The following CMSS1 variants were observed in gnomAD, a reference collection of about 807,000 sequenced individuals.
CMSS1 encodes cms1 ribosomal small subunit homolog, also known as protein CMSS1.
A neutral mutation model predicts 43.5 loss-of-function variants in CMSS1; 33 were observed. The ratio of observed to expected loss-of-function variants is 0.76; its 90% CI spans 0.57 to 1.01. The LOEUF (loss-of-function observed/expected upper bound fraction) is 1.01. Ranked by LOEUF, CMSS1 falls within the 50% of genes least tolerant of loss-of-function variation. The probability of loss-of-function intolerance (pLI) is 0.00; values close to 1 mark genes in which losing one functional copy is unlikely to be tolerated. For missense variants in CMSS1, 313 were observed against 326.4 expected (o/e 0.96, Z 0.32); for synonymous variants, 115 against 117.2 (o/e 0.98, Z 0.12).
intron 1 of CMSS1, among the ~76,000 whole-genome samples, chr3:100,081,254 A>G (rs2065927653): frequency 6.6e-6 from 1 of 152,206 alleles, no homozygotes; most frequent in Non-Finnish European, 1.5e-5. Context: ...ATCATCTTTT[A>G]TCTCTTTTTT....
At chr3:99,993,310 T>C (rs1355656000) in intron 1 of CMSS1, among the ~76,000 whole-genome samples, 1 of 152,158 alleles carries the variant, frequency 6.6e-6, no homozygotes, top group Non-Finnish European at 1.5e-5. Context: ...TTATGTCATC[T>C]ACAACTTCTT....
intron 1 of CMSS1, among the ~76,000 whole-genome samples, chr3:100,021,085 GCCAGTGTGCTGTA>G (rs1207269237): frequency 9.9e-5 from 15 of 152,256 alleles, no homozygotes; most frequent in African/African-American, 3.6e-4. Context: ...TTTTCTTAGT[GCCAGTGTGCTGTA>G]CTTTTCAAGG....
At chr3:100,078,164 A>G (rs1205122963) in intron 1 of CMSS1, among the ~76,000 whole-genome samples, 1 of 152,154 alleles carries the variant, frequency 6.6e-6, no homozygotes, top group Non-Finnish European at 1.5e-5. Flanking sequence ...GTGCTAATAT[A>G]TTTGCTCCCA....
At chr3:100,014,895 C>CTTTTTTTTTTTTTTTTTTTTTTTTTTT (rs1233573719) in intron 1 of CMSS1, among the ~76,000 whole-genome samples, 15 of 25,008 alleles carry the variant, frequency 6.0e-4, no homozygotes, top group African/African-American at 7.0e-4. Flanking sequence ...TTCTTTCTTT[C>CTTTTTTTTTTTTTTTTTTTTTTTTTTT]TTTTTTTTTT....
chr3:99,993,060 G>A (rs7634628), intron 1 of CMSS1, among the ~76,000 whole-genome samples: 120,898 of 151,836 alleles, frequency 0.8, 48,349 homozygotes, highest in East Asian at 0.88. Flanking sequence ...TATTTTGGTT[G>A]CTATAGTCTT....
chr3:99,961,222 G>A (rs562906502), intron 1 of CMSS1, among the ~76,000 whole-genome samples: 36 of 152,322 alleles, frequency 2.4e-4, no homozygotes, highest in Non-Finnish European at 4.9e-4. Flanking sequence ...TGCCCGAGGG[G>A]ATCCGGACTT....
intron 1 of CMSS1, among the ~76,000 whole-genome samples, chr3:99,908,700 A>T (rs1272149489): frequency 1.3e-5 from 2 of 152,234 alleles, no homozygotes; most frequent in African/African-American, 4.8e-5. Context: ...GGTTGTTAGG[A>T]GGATTAAATG....
chr3:100,160,188 T>A (rs986769248), intron 2 of CMSS1, among the ~76,000 whole-genome samples: 2 of 152,202 alleles, frequency 1.3e-5, no homozygotes, highest in African/African-American at 4.8e-5. Flanking sequence ...CACTCACAAT[T>A]TGATCTTGCT....
In CMSS1 at chr3:99,845,374, G is replaced by A. The variant is rs78265257; in HGVS notation, c.64+27331G>A. On this transcript the variant is annotated intron_variant, in intron 1 of 9. Transcript: ENST00000421999. ...GGGAATGTGAGTAAAATGAAACTTC[G>A]TTCTGAAGCGAGGACTTAGACCAAT... is the stretch of plus-strand genomic sequence containing the variant. Among the ~76,000 whole-genome samples, 472 of 152,260 alleles carry A rather than the reference G, an allele frequency of 3.1e-3. 9 individuals are homozygous for A. In the East Asian group the frequency reaches 0.055, roughly 18 times the overall value.
At chr3:99,841,451 G>A (rs1943128088) in intron 1 of CMSS1, among the ~76,000 whole-genome samples, 1 of 152,092 alleles carries the variant, frequency 6.6e-6, no homozygotes, top group Admixed American at 6.5e-5. Context: ...GTCCTCTCTC[G>A]GAAGTCTCAA....
At chr3:99,934,381 G>C (rs1707590064) in intron 1 of CMSS1, among the ~76,000 whole-genome samples, 1 of 152,100 alleles carries the variant, frequency 6.6e-6, no homozygotes, top group African/African-American at 2.4e-5. Flanking sequence ...AAATATATTT[G>C]GTTCTTTACT....
intron 1 of CMSS1, chr3:99,848,365 G>T (rs1943468497): frequency 6.2e-7 from 1 of 1,614,174 alleles, no homozygotes; most frequent in Admixed American, 1.7e-5. Flanking sequence ...GACTTTATTG[G>T]TTGTTTTGTT....
chr3:99,823,255 A>G (rs1942474181), intron 1 of CMSS1, among the ~76,000 whole-genome samples: 1 of 152,242 alleles, frequency 6.6e-6, no homozygotes, highest in Non-Finnish European at 1.5e-5. Flanking sequence ...CATTTCTGCC[A>G]GTAACTCAAA....
intron 6 of CMSS1, among the ~76,000 whole-genome samples, chr3:100,171,548 T>A (rs1359671293): frequency 6.6e-6 from 1 of 152,174 alleles, no homozygotes; most frequent in Non-Finnish European, 1.5e-5. Flanking sequence ...GAATTCTGTA[T>A]TACAAATGAA....
chr3:100,117,347 G>T (rs901495164), intron 1 of CMSS1, among the ~76,000 whole-genome samples: 1 of 152,024 alleles, frequency 6.6e-6, no homozygotes, highest in Admixed American at 6.6e-5. Context: ...GAAAGATTAA[G>T]TAATCTTTCC....
At position 100,009,554 on chromosome 3, in the gene CMSS1, C is replaced by A. The variant is rs768250044; in HGVS notation, c.65-137419C>A. Among the ~76,000 whole-genome samples the A allele has an allele frequency of 6.4e-4, 97 of 152,248 alleles. 1 individual carries two copies. Among genetic ancestry groups the A allele is most frequent in the Middle Eastern group, 3.4e-3 (1 of 292 alleles). ...ACACTGAGCCTTTTCACTTGATAGACCAAGCTCTTAATTTCCCCAGGTTGT... is the reference window on the plus strand; with the variant it reads ...ACACTGAGCCTTTTCACTTGATAGAACAAGCTCTTAATTTCCCCAGGTTGT... On this transcript the variant is annotated intron_variant, in intron 1 of 9. Coordinates refer to ENST00000421999, the MANE Select transcript of CMSS1 (RefSeq NM_032359.4).
rs34413816 is a variant in CMSS1 at position 100,156,299 on chromosome 3, C to CTTTTTTTTTTT, written c.154-4114_154-4104dup. Reference sequence around the variant, plus strand: ...GCCACCACACTAGCTAATTTTTTTTCTTTTTTTTTTTTTTTTTTTTTTTTT... The same window carrying CTTTTTTTTTTT: ...GCCACCACACTAGCTAATTTTTTTTCTTTTTTTTTTTTTTTTTTTTTTTTTTTTTTTTTTTT... On this transcript the variant is annotated intron_variant, in intron 2 of 9. Transcript: ENST00000421999. Among the ~76,000 whole-genome samples, 13 of 73,054 alleles carry CTTTTTTTTTTT rather than the reference C, an allele frequency of 1.8e-4. 1 individual carries two copies. The highest frequency in any genetic ancestry group is 2.8e-4 in the Non-Finnish European group (11 of 38,768). The allele number at this position is 73,054 out of a possible 152,430, so 47.9% of individuals were successfully genotyped here.
chr3:100,041,692 A>G (rs1486962452), intron 1 of CMSS1, among the ~76,000 whole-genome samples: 1 of 152,218 alleles, frequency 6.6e-6, no homozygotes, highest in Admixed American at 6.5e-5. Context: ...GGGAAGGGGG[A>G]TAAGTGCAGA....
chr3:99,901,860 T>G (rs1406352464), intron 1 of CMSS1, among the ~76,000 whole-genome samples: 1 of 152,176 alleles, frequency 6.6e-6, no homozygotes, highest in East Asian at 1.9e-4. Flanking sequence ...TACATTTGAT[T>G]TTTTTGTGAG....
Sources: allele counts gnomAD v4.1 joint callset (sites outside exome capture counted in the v4.1 genomes callset), GRCh38; gene constraint gnomAD v4.1.1; transcripts MANE v1.5; gene names NCBI Gene and HGNC (gene_info 2026-07-23, HGNC 2026-07-21).